Variants in C3 observed in about 807,000 individuals in gnomAD.
C3 encodes C3 and PZP-like alpha-2-macroglobulin domain-containing protein 1.
C3 carries 97 observed loss-of-function variants against 207.9 expected under a neutral mutation model. That is an observed-to-expected ratio of 0.47 (90% CI 0.40 to 0.55). The LOEUF (loss-of-function observed/expected upper bound fraction) is 0.55. C3 is among the 20% of genes least tolerant of loss of function. C3 has a pLI of 0.00. For synonymous variants in C3, 848 were observed against 857.6 expected (o/e 0.99, Z 0.20); for missense variants, 1,684 against 2,171.7 (o/e 0.78, Z 4.46).
Position 6,679,178 on chromosome 19 carries a change from T to G in C3, c.4577A>C (p.Lys1526Thr), listed in dbSNP as rs1362800698. 1 of 1,614,202 alleles carries G rather than the reference T, an allele frequency of 6.2e-7. No individual in the cohort carries two copies. Among genetic ancestry groups the G allele is most frequent in the East Asian group, 2.2e-5 (1 of 44,892 alleles). The change falls in exon 38 of 41, where the codon AAG becomes ACG. Residue 1526 changes from lysine (K) to threonine (T), a missense_variant. Around this residue, in one of 3 missense-constraint regions of C3, gnomAD observed 346 missense variants for 380.1 expected, o/e 0.91. Coordinates refer to ENST00000245907, the MANE Select transcript of C3 (RefSeq NM_000064.4). ...GTCCAGCCGTTCTTCCAGGGTGACC[T>G]TGTCATCCGACTTTTGTATGAAGCA... is the stretch of plus-strand genomic sequence containing the variant. ...ENCFIQKSDDKVTLEERLDKA... is the reference protein window; with the variant it reads ...ENCFIQKSDDTVTLEERLDKA...
At position 6,714,628 on chromosome 19, in the gene C3, G is replaced by A. The variant is rs184990549; in HGVS notation, c.505-182C>T. On this transcript the variant is annotated intron_variant, in intron 4 of 40. Transcript: ENST00000245907. ...TGTCATCCCAGCACTCTGGGAGGCT[G>A]AGGCGGGCAGATCACCTGAGGTCAG... is the stretch of plus-strand genomic sequence containing the variant. Among the ~76,000 whole-genome samples the A allele has an allele frequency of 1.1e-4, 16 of 152,314 alleles. No individual in the cohort carries two copies. The East Asian group carries it at 2.3e-3, about 22-fold the overall frequency.
At chr19:6,717,349 T>A (rs1351068782) in intron 4 of C3, 1 of 156,840 alleles carries the variant, frequency 6.4e-6, no homozygotes, top group Non-Finnish European at 1.4e-5. Flanking sequence ...GAAAGCAGAA[T>A]CCACGGACAC....
intron 24 of C3, 33 bp from the exon 25 acceptor site, chr19:6,693,520 C>T: frequency 6.3e-7 from 1 of 1,594,198 alleles, no homozygotes; most frequent in South Asian, 1.1e-5. Flanking sequence ...CCCAAAAGAG[C>T]CGGGGCTGAG....
At chr19:6,695,844 C>T (rs1020384910) in intron 23 of C3, among the ~76,000 whole-genome samples, 3 of 152,144 alleles carry the variant, frequency 2.0e-5, no homozygotes, top group Non-Finnish European at 4.4e-5. Flanking sequence ...TCAGCGAAAG[C>T]TCTTTGCTGA....
In C3 at chr19:6,678,239, A is replaced by G; in HGVS notation, c.4763T>C (p.Ile1588Thr). The change falls in exon 40 of 41, where the codon ATC (isoleucine) becomes ACC (threonine). Residue 1588 changes from isoleucine to threonine, a missense_variant. Ile to Thr is a moderately conservative substitution (Grantham distance 89). Transcript: ENST00000245907. ...VGQQRTFISP[I>T]KCREALKLEE... ...CAGCTTCAGGGCTTCTCTGCACTTG[A>G]TGGGGCTGATGAACGTGCGCTGCTG... 6.2e-7 allele frequency: 1 copy of G among 1,614,106 alleles called. No individual in the cohort carries two copies.
intron 2 of C3, 114 bp from the exon 3 acceptor site, chr19:6,718,526 G>T: frequency 7.8e-7 from 1 of 1,278,842 alleles, no homozygotes; most frequent in African/African-American, 1.5e-5. Flanking sequence ...TTGGTCTTCC[G>T]AGGTGGCCGT....
chr19:6,695,384 C>A (rs1967510228), intron 23 of C3, among the ~76,000 whole-genome samples: 1 of 152,178 alleles, frequency 6.6e-6, no homozygotes, highest in Admixed American at 6.5e-5. Flanking sequence ...TTACAGGTTG[C>A]AAGTCCCTTT....
intron 14 of C3, among the ~76,000 whole-genome samples, chr19:6,709,175 G>A (rs533621014): frequency 1.3e-5 from 2 of 152,274 alleles, no homozygotes; most frequent in Non-Finnish European, 2.9e-5. Context: ...TCAGCCGGGC[G>A]CAGTGGCTCA....
At chr19:6,691,214 A>G (rs541534990) in intron 26 of C3, among the ~76,000 whole-genome samples, 2 of 151,878 alleles carry the variant, frequency 1.3e-5, no homozygotes, top group African/African-American at 2.4e-5. Flanking sequence ...CCACCACACC[A>G]AGCTAATTTT....
chr19:6,700,211 ATAT>A (rs1967614536), intron 19 of C3, among the ~76,000 whole-genome samples: 1 of 129,966 alleles, frequency 7.7e-6, no homozygotes, highest in African/African-American at 3.0e-5. Context: ...TAATATGTAT[ATAT>A]TACATATATA....
At chr19:6,698,710 A>G (rs139506520) in intron 19 of C3, among the ~76,000 whole-genome samples, 3 of 152,250 alleles carry the variant, frequency 2.0e-5, no homozygotes, top group Non-Finnish European at 2.9e-5. Flanking sequence ...TCCTGTCTGT[A>G]AAACCAAACC....
At chr19:6,686,056 T>C in intron 29 of C3, 68 bp downstream of exon 29, 1 of 1,517,204 alleles carries the variant, frequency 6.6e-7, no homozygotes, top group Admixed American at 1.7e-5. Flanking sequence ...CAGTGTCTTC[T>C]CTAGGAGGCC....
chr19:6,696,137 G>A (rs867472932), intron 23 of C3, among the ~76,000 whole-genome samples: 58 of 151,014 alleles, frequency 3.8e-4, no homozygotes, highest in South Asian at 1.1e-3. Flanking sequence ...GTGAACCCGG[G>A]AGGCGGAGCT....
intron 19 of C3, among the ~76,000 whole-genome samples, chr19:6,700,434 A>G (rs1335432565): frequency 1.9e-5 from 1 of 53,858 alleles, no homozygotes; most frequent in Non-Finnish European, 2.8e-5. Flanking sequence ...TATATGATAT[A>G]TGTAATATGA....
rs749992658 is a variant in C3, at chr19:6,710,783, C to T, written c.1542G>A (p.Leu514=). Residue 514 remains leucine, a synonymous_variant, in exon 13 of 41, where the codon CTG becomes CTA. Transcript: ENST00000245907. ...TGGTGATGGACAGGGGCAGCACCAC[C>T]AGGTCCTGGCCGGGCTCTCGCACCT... The part of the protein sequence containing the change: ...GRQVREPGQD[L]VVLPLSITTD... 1 of 1,613,902 alleles carries T rather than the reference C, an allele frequency of 6.2e-7. No homozygotes were observed. Among genetic ancestry groups the T allele is most frequent in the Non-Finnish European group, 8.5e-7 (1 of 1,180,010 alleles).
At position 6,714,080 on chromosome 19, in the gene C3, G is replaced by A. The variant is rs1232181618; in HGVS notation, c.685C>T (p.Leu229=). The change falls in exon 7 of 41, where the codon CTG becomes TTG. Residue 229 remains leucine, a splice_region_variant and synonymous_variant. Coordinates refer to ENST00000245907, the MANE Select transcript of C3 (RefSeq NM_000064.4). ...TCCACTATGACCTCGAAACTGGGCA[G>A]CACTGGGGGAGAGATGGCGTTGGTG... ...STEFEVKEYV[L]PSFEVIVEPT... is the part of the protein sequence containing the mutation. The A allele has an allele frequency of 4.3e-6, 7 of 1,612,404 alleles. No individual in the cohort carries two copies. Among genetic ancestry groups the A allele is most frequent in the Middle Eastern group, 1.6e-4 (1 of 6,082 alleles).
rs368995123 is a variant in C3 at position 6,711,074 on chromosome 19, C to G, written c.1392G>C (p.Glu464Asp). 5 of 1,614,034 alleles carry G rather than the reference C, an allele frequency of 3.1e-6. No individual in the cohort carries two copies. The African/African-American group carries it at 6.7e-5, about 22-fold the overall frequency. ...CGTTGAGGGTCTCCCCGGGTCTGAG[C>G]TCTGTACGTAGCACTGAGAGATGCA... is the stretch of plus-strand genomic sequence containing the variant. ...NYLHLSVLRT[E>D]LRPGETLNVN... The change falls in exon 12 of 41, where the codon GAG becomes GAC. Residue 464 changes from glutamate to aspartate, a missense_variant. Transcript: ENST00000245907.
In C3 at chr19:6,707,776, A is replaced by G. The variant is rs970477393; in HGVS notation, c.1975+24T>C. 3.7e-6 allele frequency: 6 copies of G among 1,612,096 alleles called. No individual in the cohort carries two copies. In the African/African-American group the frequency reaches 6.7e-5, roughly 18 times the overall value. On this transcript the variant is annotated intron_variant, in intron 15 of 40. Transcript: ENST00000245907. ...AGGTGGAGGTGCTGTCTGTCCCTGC[A>G]CCGGCCCCTGGTGGCGACCTCACCT...
chr19:6,710,134 G>A (rs116528507), intron 13 of C3, among the ~76,000 whole-genome samples: 1 of 136,632 alleles, frequency 7.3e-6, no homozygotes, highest in Non-Finnish European at 1.6e-5. Flanking sequence ...GAGAGGGAAA[G>A]GGAAAGAGGG....
Sources: gnomAD v4.1 joint callset for allele counts (sites outside exome capture counted in the v4.1 genomes callset) on GRCh38, gnomAD v4.1.1 for gene constraint, gnomAD v4.1.1 regional missense constraint, MANE v1.5 for transcripts, NCBI Gene and HGNC (gene_info 2026-07-23, HGNC 2026-07-21) for gene names.